The following C8orf34 variants were observed in gnomAD, a reference collection of about 807,000 sequenced individuals.
The protein encoded by C8orf34 is uncharacterized protein C8orf34.
A neutral mutation model predicts 68.3 loss-of-function variants in C8orf34; 65 were observed. The observed-to-expected ratio is 0.95, with a 90% CI of 0.78 to 1.17. C8orf34 has a LOEUF of 1.17. C8orf34 is among the 50% of genes most tolerant of loss of function. The pLI, the probability that C8orf34 is intolerant of heterozygous loss-of-function variation, is 0.00. For synonymous variants in C8orf34, 244 were observed against 241.2 expected (o/e 1.01, Z -0.11); for missense variants, 664 against 655.4 (o/e 1.01, Z -0.14).
At chr8:68,423,120 T>A (rs989553334) in intron 1 of C8orf34, among the ~76,000 whole-genome samples, 4 of 152,216 alleles carry the variant, frequency 2.6e-5, no homozygotes, top group Non-Finnish European at 4.4e-5. Context: ...TCTTGGAGAT[T>A]AACATTCAGC....
chr8:68,458,071 C>T (rs1433579395), intron 3 of C8orf34, among the ~76,000 whole-genome samples: 1 of 152,038 alleles, frequency 6.6e-6, no homozygotes, highest in Non-Finnish European at 1.5e-5. Flanking sequence ...TATACCATGG[C>T]TTTGATTGTC....
chr8:68,776,506 A>G, intron 11 of C8orf34, 57 bp downstream of exon 11: 2 of 1,382,828 alleles, frequency 1.4e-6, no homozygotes, highest in Non-Finnish European at 2.1e-6. Context: ...ATACAGGATG[A>G]AGCACTCACT....
chr8:68,532,745 G>A (rs1040141741), intron 6 of C8orf34, among the ~76,000 whole-genome samples: 3 of 152,102 alleles, frequency 2.0e-5, no homozygotes, highest in African/African-American at 7.2e-5. Context: ...GCAACAATAG[G>A]TAGGAGTAAA....
intron 8 of C8orf34, among the ~76,000 whole-genome samples, chr8:68,645,569 G>A (rs184173246): frequency 2.2e-4 from 33 of 152,006 alleles, no homozygotes; most frequent in South Asian, 4.2e-4. Flanking sequence ...TTTGTTTCTC[G>A]TTGTTGTTGT....
intron 7 of C8orf34, among the ~76,000 whole-genome samples, chr8:68,639,930 A>G (rs1033722143): frequency 1.3e-5 from 2 of 152,150 alleles, no homozygotes; most frequent in Non-Finnish European, 2.9e-5. Flanking sequence ...TTAGAAACGG[A>G]GGATTTATGC....
At chr8:68,632,246 A>C (rs1818711447) in intron 7 of C8orf34, among the ~76,000 whole-genome samples, 1 of 152,164 alleles carries the variant, frequency 6.6e-6, no homozygotes, top group African/African-American at 2.4e-5. Context: ...CTTAGCAAAG[A>C]GACTGGTGGC....
At chr8:68,720,270 A>G (rs1821633087) in intron 9 of C8orf34, among the ~76,000 whole-genome samples, 1 of 151,928 alleles carries the variant, frequency 6.6e-6, no homozygotes, top group African/African-American at 2.4e-5. Context: ...TGTGCCCCAG[A>G]ATTTAGAAAC....
chr8:68,428,408 C>G (rs557885819), intron 1 of C8orf34, among the ~76,000 whole-genome samples: 2 of 152,094 alleles, frequency 1.3e-5, no homozygotes, highest in African/African-American at 4.8e-5. Flanking sequence ...AATAAAAATA[C>G]AAGCCATGCG....
chr8:68,553,588 A>T (rs186894738), intron 7 of C8orf34, among the ~76,000 whole-genome samples: 95 of 152,010 alleles, frequency 6.2e-4, no homozygotes, highest in African/African-American at 2.2e-3. Flanking sequence ...TAGTTTTGAT[A>T]ATTTATTTAT....
chr8:68,580,384 A>G (rs1471502024), intron 7 of C8orf34, among the ~76,000 whole-genome samples: 1 of 152,142 alleles, frequency 6.6e-6, no homozygotes, highest in Non-Finnish European at 1.5e-5. Context: ...TTAATGTGTT[A>G]GTAGTTATAG....
chr8:68,430,280 ACAGAAGC>A (rs779826335), intron 1 of C8orf34, among the ~76,000 whole-genome samples: 5 of 152,184 alleles, frequency 3.3e-5, no homozygotes, highest in Non-Finnish European at 7.3e-5. Context: ...CCCCACAGGG[ACAGAAGC>A]TCCTGTACTT....
intron 7 of C8orf34, among the ~76,000 whole-genome samples, chr8:68,568,548 A>C (rs1239814046): frequency 6.6e-6 from 1 of 151,966 alleles, no homozygotes; most frequent in Non-Finnish European, 1.5e-5. Context: ...GGCTGCCACA[A>C]AGCTTCAATT....
intron 10 of C8orf34, among the ~76,000 whole-genome samples, chr8:68,746,267 C>T (rs1822489648): frequency 6.7e-6 from 1 of 148,912 alleles, no homozygotes; most frequent in Non-Finnish European, 1.5e-5. Context: ...GCACTAAATG[C>T]CCACAAGAGA....
At chr8:68,698,369 G>A (rs557856450) in intron 8 of C8orf34, among the ~76,000 whole-genome samples, 17 of 152,062 alleles carry the variant, frequency 1.1e-4, no homozygotes, top group South Asian at 2.1e-4. Context: ...AACTTAAACC[G>A]TCTTACCAAG....
chr8:68,467,867 A>C (rs1308018215), intron 3 of C8orf34, among the ~76,000 whole-genome samples: 1 of 151,848 alleles, frequency 6.6e-6, no homozygotes. Context: ...TTGATTTGCT[A>C]TTTTTGCCCC....
intron 7 of C8orf34, among the ~76,000 whole-genome samples, chr8:68,598,531 G>C (rs1586429361): frequency 6.6e-6 from 1 of 151,984 alleles, no homozygotes; most frequent in East Asian, 1.9e-4. Context: ...ATGGCTTTAG[G>C]GTATCAACAA....
chr8:68,367,907 G>GAAAAAAAAAAAAAAAAAAAAAAAA (rs1807360133), intron 1 of C8orf34, among the ~76,000 whole-genome samples: 1 of 15,034 alleles, frequency 6.7e-5, no homozygotes. Flanking sequence ...AATAAAAAAA[G>GAAAAAAAAAAAAAAAAAAAAAAAA]AAAAGAAAAA....
At chr8:68,804,256 C>T (rs930399146) in intron 12 of C8orf34, among the ~76,000 whole-genome samples, 2 of 152,072 alleles carry the variant, frequency 1.3e-5, no homozygotes, top group Non-Finnish European at 2.9e-5. Context: ...CATGTTTTCC[C>T]CTCAATTAAA....
intron 8 of C8orf34, among the ~76,000 whole-genome samples, chr8:68,700,711 G>T (rs866847209): frequency 1.3e-5 from 2 of 152,124 alleles, no homozygotes; most frequent in Non-Finnish European, 2.9e-5. Context: ...ACAGACTCAG[G>T]GCTTGAGGCA....
Sources: allele counts gnomAD v4.1 joint callset (sites outside exome capture counted in the v4.1 genomes callset), GRCh38; gene constraint gnomAD v4.1.1; transcripts MANE v1.5; gene names NCBI Gene and HGNC (gene_info 2026-07-23, HGNC 2026-07-21).